Variants in CNIH3 observed in about 807,000 individuals in gnomAD.
CNIH3 encodes protein cornichon homolog 3.
A neutral mutation model predicts 24.1 loss-of-function variants in CNIH3; 14 were observed. The observed-to-expected ratio is 0.58, with a 90% confidence interval of 0.38 to 0.91. CNIH3 has a LOEUF of 0.91. Ranked by LOEUF, CNIH3 falls within the 40% of genes least tolerant of loss-of-function variation. The pLI, the probability that CNIH3 is intolerant of heterozygous loss-of-function variation, is 0.00. For missense variants in CNIH3, 178 were observed against 196.8 expected, an observed-to-expected ratio of 0.90 and a Z score of 0.57; for synonymous variants, 68 against 73.8, an observed-to-expected ratio of 0.92 and a Z score of 0.40.
chr1:224,706,147 A>G (rs1290675599), intron 3 of CNIH3, among the ~76,000 whole-genome samples: 1 of 152,150 alleles, frequency 6.6e-6, no homozygotes, highest in Non-Finnish European at 1.5e-5. Flanking sequence ...ATGAAAGCAA[A>G]AGAGGTGTGT....
At chr1:224,606,853 C>T (rs1290788645) in intron 3 of CNIH3, among the ~76,000 whole-genome samples, 1 of 152,164 alleles carries the variant, frequency 6.6e-6, no homozygotes, top group East Asian at 1.9e-4. Context: ...GAGGGAGGTG[C>T]TGCCAGGTGC....
chr1:224,712,211 C>A (rs79637264), intron 3 of CNIH3, among the ~76,000 whole-genome samples: 5 of 152,186 alleles, frequency 3.3e-5, no homozygotes, highest in African/African-American at 1.2e-4. Flanking sequence ...GTTCCCAAAC[C>A]TGGTTGCATA....
chr1:224,684,969 G>A lies in CNIH3; in HGVS notation c.198+126G>A. On this transcript the variant is annotated intron_variant, in intron 3 of 5. Coordinates refer to ENST00000272133, the MANE Select transcript of CNIH3 (RefSeq NM_152495.2). This position sits in a 1 kb window ranked among gnomAD's most constrained non-coding sequence, Gnocchi z 4.2. ...CACCAGGGAGGCAAATGGTGGCAGG[G>A]AAAGGGGGAGGTGGGAGCAAGTGAT... 1.1e-6 allele frequency: 1 copy of A among 890,884 alleles called. No individual in the cohort carries two copies. 55.2% of individuals were successfully genotyped at this position (890,884 alleles called of 1,614,324 possible).
intron 1 of CNIH3, among the ~76,000 whole-genome samples, chr1:224,478,834 A>G (rs570984259): frequency 6.6e-6 from 1 of 152,332 alleles, no homozygotes; most frequent in East Asian, 1.9e-4. Context: ...TCATGGCAGA[A>G]GGCAAGGAGC....
chr1:224,601,012 T>C (rs1682185550), intron 3 of CNIH3, among the ~76,000 whole-genome samples: 1 of 152,186 alleles, frequency 6.6e-6, no homozygotes. Context: ...ATAATTTGAC[T>C]GAGAGGCATA....
chr1:224,486,624 G>A (rs1300325126), intron 1 of CNIH3, among the ~76,000 whole-genome samples: 2 of 151,978 alleles, frequency 1.3e-5, no homozygotes, highest in Non-Finnish European at 2.9e-5. Flanking sequence ...TATCAACTAT[G>A]CCAAGTGAAT....
chr1:224,679,235 G>A (rs1686284545), intron 1 of CNIH3, among the ~76,000 whole-genome samples: 2 of 151,790 alleles, frequency 1.3e-5, no homozygotes, highest in South Asian at 4.2e-4. Context: ...AGCTACTCGA[G>A]AAGCTGAGGC....
chr1:224,452,699 A>ACT (rs1675467012), intron 1 of CNIH3, among the ~76,000 whole-genome samples: 1 of 144,330 alleles, frequency 6.9e-6, no homozygotes, highest in Non-Finnish European at 1.5e-5. Context: ...GGAGAATGGC[A>ACT]TGAACCTGGG....
intron 1 of CNIH3, among the ~76,000 whole-genome samples, chr1:224,516,913 G>C (rs1320018116): frequency 1.3e-5 from 2 of 152,010 alleles, no homozygotes; most frequent in African/African-American, 2.4e-5. Flanking sequence ...GGAGCTATAG[G>C]TATAAAGCCA....
intron 1 of CNIH3, among the ~76,000 whole-genome samples, chr1:224,655,680 G>A (rs184045821): frequency 8.2e-4 from 124 of 152,124 alleles, no homozygotes; most frequent in Non-Finnish European, 1.6e-3. Flanking sequence ...CCAGGGATCC[G>A]TTGCTCACTC....
rs546572801 is a variant in CNIH3 at position 224,700,582 on chromosome 1, A to G, written c.198+15739A>G. On this transcript the variant is annotated intron_variant, in intron 3 of 5. Coordinates refer to ENST00000272133, the MANE Select transcript of CNIH3 (RefSeq NM_152495.2). ...TATCCCAGATGTGCTTTAGAGAAAG[A>G]AAGGGCAAGACTTGGATCCTCTTTC... Among the ~76,000 whole-genome samples the G allele has an allele frequency of 2.0e-5, 3 of 152,358 alleles. No homozygotes were observed. The East Asian group carries it at 5.8e-4, about 29-fold the overall frequency.
At chr1:224,548,088 C>T (rs1166420402) in intron 3 of CNIH3, among the ~76,000 whole-genome samples, 1 of 152,038 alleles carries the variant, frequency 6.6e-6, no homozygotes, top group Non-Finnish European at 1.5e-5. Context: ...TGGGTGTACA[C>T]CCCGTGATGT....
At chr1:224,650,953 G>A (rs1280528988) in intron 1 of CNIH3, among the ~76,000 whole-genome samples, 3 of 152,232 alleles carry the variant, frequency 2.0e-5, no homozygotes, top group African/African-American at 7.2e-5. Flanking sequence ...GGCTTGATGG[G>A]GTCTTTTGGA....
At chr1:224,492,387 G>A (rs1212262880) in intron 1 of CNIH3, among the ~76,000 whole-genome samples, 1 of 152,134 alleles carries the variant, frequency 6.6e-6, no homozygotes. Context: ...TGAGATTTGG[G>A]TCTTGGTTAT....
chr1:224,575,919 C>A (rs1426793384), intron 4 of CNIH3, among the ~76,000 whole-genome samples: 2 of 152,072 alleles, frequency 1.3e-5, no homozygotes, highest in African/African-American at 4.8e-5. Context: ...TTGGGTGCAA[C>A]AATTAGATAC....
intron 2 of CNIH3, among the ~76,000 whole-genome samples, chr1:224,533,938 G>A (rs1679181160): frequency 6.6e-6 from 1 of 152,234 alleles, no homozygotes; most frequent in Non-Finnish European, 1.5e-5. Context: ...GCTGACGCAG[G>A]TGGATCGCTT....
chr1:224,649,554 C>T (rs768173956), intron 1 of CNIH3, among the ~76,000 whole-genome samples: 1 of 152,186 alleles, frequency 6.6e-6, no homozygotes, highest in Non-Finnish European at 1.5e-5. Context: ...AATAGGTGCT[C>T]AGTTTAATTT....
intron 1 of CNIH3, among the ~76,000 whole-genome samples, chr1:224,446,451 A>G (rs1395492527): frequency 1.3e-5 from 2 of 152,052 alleles, no homozygotes; most frequent in African/African-American, 4.8e-5. Context: ...TTTTCTTAGT[A>G]ATGTTTCATG....
intron 4 of CNIH3, among the ~76,000 whole-genome samples, chr1:224,566,470 C>T (rs112155229): frequency 0.011 from 1,738 of 152,032 alleles, 32 homozygotes; most frequent in African/African-American, 0.039. Context: ...TTGCTGCACC[C>T]ATCAACCCGT....
Sources: gnomAD v4.1 joint callset for allele counts (sites outside exome capture counted in the v4.1 genomes callset) on GRCh38, gnomAD v4.1.1 for gene constraint, Gnocchi (gnomAD v3.1) non-coding constraint, MANE v1.5 for transcripts, NCBI Gene and HGNC (gene_info 2026-07-23, HGNC 2026-07-21) for gene names.